TMEM178A: variants seen among roughly 807,000 people sequenced by gnomAD.
TMEM178A encodes transmembrane protein 178A.
TMEM178A carries 12 observed loss-of-function variants against 29.1 expected under a neutral mutation model. The observed-to-expected ratio is 0.41, with a 90% CI of 0.26 to 0.67. TMEM178A has a LOEUF of 0.67. TMEM178A is among the 30% of genes least tolerant of loss of function. The pLI, the probability that TMEM178A is intolerant of heterozygous loss-of-function variation, is 0.29. For synonymous variants in TMEM178A, 210 were observed against 187.2 expected (o/e 1.12, Z -0.99); for missense variants, 366 against 419.1 (o/e 0.87, Z 1.11).
At chr2:39,704,880 C>G (rs140828727) in intron 2 of TMEM178A, among the ~76,000 whole-genome samples, 117 of 152,338 alleles carry the variant, frequency 7.7e-4, no homozygotes, top group African/African-American at 2.7e-3. Context: ...AAATAAGTAA[C>G]AAGGACTTCA....
chr2:39,709,399 G>A (rs1672204967), intron 3 of TMEM178A, among the ~76,000 whole-genome samples: 1 of 152,190 alleles, frequency 6.6e-6, no homozygotes, highest in Admixed American at 6.5e-5. Flanking sequence ...ACCAATTTAG[G>A]TTTTCTAGAT....
the TMEM178A span, among the ~76,000 whole-genome samples, chr2:39,725,352 A>G: frequency 6.6e-6 from 1 of 152,224 alleles, no homozygotes; most frequent in African/African-American, 2.4e-5. Flanking sequence ...ATACGCCTAC[A>G]TAATCAAGAA....
At chr2:39,731,076 C>A in the TMEM178A span, among the ~76,000 whole-genome samples, 1 of 152,278 alleles carries the variant, frequency 6.6e-6, no homozygotes, top group East Asian at 1.9e-4. Context: ...CACTGTCATC[C>A]CTGTAAAATA....
chr2:39,707,291 TGTTAGAAAAGCAACCAGAA>T, intron 3 of TMEM178A, 105 bp downstream of exon 3: 1 of 1,394,814 alleles, frequency 7.2e-7, no homozygotes, highest in Non-Finnish European at 9.5e-7. Flanking sequence ...TTGTTTTCAC[TGTTAGAAAAGCAACCAGAA>T]GGTCATTTTG....
upstream of TMEM178A, chr2:39,665,803 C>A (rs1181385299): frequency 1.8e-6 from 1 of 560,312 alleles, no homozygotes; most frequent in Non-Finnish European, 2.7e-6. Context: ...CGAGATCAGG[C>A]CAGGGGAGAG....
the TMEM178A span, among the ~76,000 whole-genome samples, chr2:39,723,991 A>T: frequency 6.6e-6 from 1 of 152,386 alleles, no homozygotes; most frequent in East Asian, 1.9e-4. Flanking sequence ...AAGCCAGAGC[A>T]CACACTGCAC....
chr2:39,697,109 A>G (rs1671577043), intron 1 of TMEM178A, among the ~76,000 whole-genome samples: 1 of 152,172 alleles, frequency 6.6e-6, no homozygotes, highest in African/African-American at 2.4e-5. Flanking sequence ...TAACAGTATA[A>G]ATTATTCCTT....
the TMEM178A span, among the ~76,000 whole-genome samples, chr2:39,733,459 G>T: frequency 1.3e-5 from 2 of 152,180 alleles, no homozygotes; most frequent in Admixed American, 1.3e-4. Context: ...CATCATCACA[G>T]GCTTTTTCTG....
the TMEM178A span, among the ~76,000 whole-genome samples, chr2:39,727,211 T>C: frequency 6.6e-6 from 1 of 152,196 alleles, no homozygotes; most frequent in South Asian, 2.1e-4. Flanking sequence ...CCCTTTCAGA[T>C]AGCTGTCACA....
At chr2:39,718,755 T>G (rs1052573823), downstream of TMEM178A, among the ~76,000 whole-genome samples, 1 of 152,222 alleles carries the variant, frequency 6.6e-6, no homozygotes, top group Non-Finnish European at 1.5e-5. Flanking sequence ...TTGTGTTTGC[T>G]TATCTTTCAG....
rs1670878486 is a variant in TMEM178A at position 39,681,735 on chromosome 2, A to G, written c.400+15361A>G. Among the ~76,000 whole-genome samples, 3 of 152,348 alleles carry G rather than the reference A, an allele frequency of 2.0e-5. No individual in the cohort carries two copies. In the South Asian group the frequency reaches 6.2e-4, roughly 32 times the overall value. On this transcript the variant is annotated intron_variant, in intron 1 of 3. Coordinates refer to ENST00000281961, the MANE Select transcript of TMEM178A (RefSeq NM_152390.3). Reference sequence around the variant, plus strand: ...TCTGTAGTAGCCATATGATGAGTGCATTAGTCATGGAATAAAAGAAAAAGC... The same window carrying G: ...TCTGTAGTAGCCATATGATGAGTGCGTTAGTCATGGAATAAAAGAAAAAGC...
chr2:39,711,491 C>T (rs1455491658), intron 3 of TMEM178A, among the ~76,000 whole-genome samples: 1 of 152,122 alleles, frequency 6.6e-6, no homozygotes, highest in Non-Finnish European at 1.5e-5. Flanking sequence ...CAGGCTGTGC[C>T]TTGAGTGGCC....
chr2:39,699,353 A>T (rs1671683925), intron 1 of TMEM178A, among the ~76,000 whole-genome samples: 1 of 151,974 alleles, frequency 6.6e-6, no homozygotes, highest in African/African-American at 2.4e-5. Flanking sequence ...TTAATTCTTT[A>T]TTTTATGTAT....
the TMEM178A span, among the ~76,000 whole-genome samples, chr2:39,728,370 T>C: frequency 5.9e-5 from 9 of 152,328 alleles, no homozygotes; most frequent in East Asian, 1.5e-3. Context: ...TCTTGAATGG[T>C]TTCCGAGTGT....
Position 39,666,127 on chromosome 2 carries a change from C to G in TMEM178A, c.153C>G (p.Asp51Glu), listed in dbSNP as rs573490688. 43 of 1,542,536 alleles carry G rather than the reference C, an allele frequency of 2.8e-5. No homozygotes were observed. Among genetic ancestry groups the G allele is most frequent in the Non-Finnish European group, 3.7e-5 (42 of 1,150,580 alleles). ...ESCERSRAGA[D>E]PPDQKNRLMP... ...GCGAGCGCAGCCGCGCGGGCGCCGACCCCCCGGACCAGAAGAACCGCCTGA... is the reference window on the plus strand; with the variant it reads ...GCGAGCGCAGCCGCGCGGGCGCCGAGCCCCCGGACCAGAAGAACCGCCTGA... Residue 51 changes from aspartate to glutamate, a missense_variant, in exon 1 of 4, where the codon GAC (aspartate) becomes GAG (glutamate). By Grantham distance (45) the Asp-to-Glu change is conservative (BLOSUM62 2). Coordinates refer to ENST00000281961, the MANE Select transcript of TMEM178A (RefSeq NM_152390.3).
chr2:39,721,987 A>G (rs1045648738), downstream of TMEM178A, among the ~76,000 whole-genome samples: 6 of 14,192 alleles, frequency 4.2e-4, no homozygotes, highest in African/African-American at 1.4e-3. Flanking sequence ...ACCAGTCTCA[A>G]AAAAAAAAAA....
rs1333148064 is a variant in TMEM178A, at chr2:39,717,582, C to G, written c.*331C>G. 4.9e-6 allele frequency: 1 copy of G among 204,638 alleles called. No individual in the cohort carries two copies. Among genetic ancestry groups the G allele is most frequent in the South Asian group, 1.4e-4 (1 of 7,130 alleles). The allele number at this position is 204,638 out of a possible 1,614,324, so 12.7% of individuals were successfully genotyped here. A position where few individuals can be genotyped will look rare whatever the true frequency, so the allele number is the denominator to read the frequency against. ...CAGAAAGTTTGTATGTAACAATTAC[C>G]CGAGAGTCATTTCTACTTGCAAAAG... On this transcript the variant is annotated 3_prime_UTR_variant, in exon 4 of 4. Coordinates refer to ENST00000281961, the MANE Select transcript of TMEM178A (RefSeq NM_152390.3).
chr2:39,735,852 C>G, the TMEM178A span, among the ~76,000 whole-genome samples: 1 of 152,232 alleles, frequency 6.6e-6, no homozygotes, highest in Non-Finnish European at 1.5e-5. Context: ...GCACAAATGC[C>G]ATAGCTTGCA....
At chr2:39,707,764 C>T (rs780022812) in intron 3 of TMEM178A, among the ~76,000 whole-genome samples, 72 of 152,354 alleles carry the variant, frequency 4.7e-4, no homozygotes, top group Non-Finnish European at 7.1e-4. Context: ...CCACACCCCA[C>T]CTTCTGTTCC....
Sources: gnomAD v4.1 joint callset for allele counts (sites outside exome capture counted in the v4.1 genomes callset) on GRCh38, gnomAD v4.1.1 for gene constraint, MANE v1.5 for transcripts, NCBI Gene and HGNC (gene_info 2026-07-23, HGNC 2026-07-21) for gene names.